Variants in KSR2 observed in about 807,000 individuals in gnomAD.
KSR2 encodes the protein kinase suppressor of ras 2.
A neutral mutation model predicts 107.8 loss-of-function variants in KSR2; 25 were observed. The ratio of observed to expected loss-of-function variants is 0.23; its 90% confidence interval spans 0.17 to 0.32. The LOEUF (loss-of-function observed/expected upper bound fraction) is 0.32, where lower values mean the gene tolerates loss of function less well. Among genes scored for constraint, KSR2 ranks in the 10% least tolerant of loss-of-function variants. The pLI is 1.00. For missense variants in KSR2, 887 were observed against 1,268.9 expected (o/e 0.70, Z 4.57); for synonymous variants, 480 against 507.0 (o/e 0.95, Z 0.71).
At chr12:117,709,474 C>A (rs746968) in intron 4 of KSR2, among the ~76,000 whole-genome samples, 65,516 of 151,530 alleles carry the variant, frequency 0.43, 14,769 homozygotes, top group African/African-American at 0.56. Flanking sequence ...TGGGCATGCA[C>A]CACCATGCCT....
intron 3 of KSR2, among the ~76,000 whole-genome samples, chr12:117,844,374 C>T (rs532335446): frequency 6.6e-6 from 1 of 152,082 alleles, no homozygotes; most frequent in East Asian, 1.9e-4. Flanking sequence ...TGAAACTATA[C>T]CCTAAAGAGT....
chr12:117,937,164 A>T (rs1895872680), intron 1 of KSR2, among the ~76,000 whole-genome samples: 1 of 152,212 alleles, frequency 6.6e-6, no homozygotes, highest in Non-Finnish European at 1.5e-5. Flanking sequence ...AATCTGAGTT[A>T]ATTTAAGACT....
intron 1 of KSR2, among the ~76,000 whole-genome samples, chr12:117,920,818 G>A (rs934859723): frequency 9.9e-5 from 15 of 152,106 alleles, no homozygotes; most frequent in Non-Finnish European, 2.9e-5. Flanking sequence ...CAAGCATAAA[G>A]ATGCAAGAGT....
intron 1 of KSR2, among the ~76,000 whole-genome samples, chr12:117,913,865 G>T (rs961379722): frequency 2.0e-5 from 3 of 152,104 alleles, no homozygotes; most frequent in Non-Finnish European, 4.4e-5. Flanking sequence ...TGGAGTCTCG[G>T]GACCCGCCGG....
At chr12:117,861,555 A>G (rs1203245363) in intron 1 of KSR2, among the ~76,000 whole-genome samples, 1 of 151,350 alleles carries the variant, frequency 6.6e-6, no homozygotes, top group African/African-American at 2.4e-5. Context: ...CACCCGGCTA[A>G]TTTTTTGTAT....
chr12:117,821,671 T>C (rs934089131), intron 3 of KSR2, among the ~76,000 whole-genome samples: 2 of 152,212 alleles, frequency 1.3e-5, no homozygotes, highest in Non-Finnish European at 2.9e-5. Flanking sequence ...ACTGTACTTT[T>C]TATGTGGACA....
At chr12:117,539,644 G>T in intron 10 of KSR2, 75 bp downstream of exon 10, 1 of 1,394,050 alleles carries the variant, frequency 7.2e-7, no homozygotes. Flanking sequence ...CAGGGCTCTG[G>T]CATGAACCCA....
At chr12:117,695,859 G>A (rs1310978965) in intron 4 of KSR2, among the ~76,000 whole-genome samples, 4 of 152,134 alleles carry the variant, frequency 2.6e-5, no homozygotes, top group South Asian at 2.1e-4. Context: ...AAAGGTCGCC[G>A]CTCTTCTTCA....
At chr12:117,961,645 C>G (rs772912381) in intron 1 of KSR2, among the ~76,000 whole-genome samples, 1 of 152,146 alleles carries the variant, frequency 6.6e-6, no homozygotes, top group East Asian at 1.9e-4. Context: ...TCTCAGCTTT[C>G]CTATCCTCCT....
At chr12:117,920,159 C>A (rs143970255) in intron 1 of KSR2, among the ~76,000 whole-genome samples, 28 of 152,274 alleles carry the variant, frequency 1.8e-4, no homozygotes, top group African/African-American at 6.5e-4. Context: ...AGGAGAGTGG[C>A]ACAATCATGG....
rs1410986621 is a variant in KSR2 at position 117,710,159 on chromosome 12, AC to A, written c.987-42502del. Among the ~76,000 whole-genome samples the A allele has an allele frequency of 6.0e-4, 92 of 152,254 alleles. 1 individual carries two copies. Among genetic ancestry groups the A allele is most frequent in the Non-Finnish European group, 1.6e-4 (11 of 68,020 alleles). ...TGAGTGAAAAAAATAGCGAGCCCCG[AC>A]AGGTAATGATGCCATTTGAATACGG... On this transcript the variant is annotated intron_variant, in intron 4 of 19. Coordinates refer to ENST00000339824, the MANE Select transcript of KSR2 (RefSeq NM_173598.6).
intron 4 of KSR2, among the ~76,000 whole-genome samples, chr12:117,679,953 T>C (rs1885300097): frequency 6.6e-6 from 1 of 152,218 alleles, no homozygotes; most frequent in South Asian, 2.1e-4. Context: ...GCAGGGTTAG[T>C]TGTGACAGAG....
chr12:117,701,572 A>C (rs542714611), intron 4 of KSR2, among the ~76,000 whole-genome samples: 2 of 152,310 alleles, frequency 1.3e-5, no homozygotes, highest in African/African-American at 2.4e-5. Context: ...ATGTTGCCTT[A>C]TTTGGGGCAA....
chr12:117,839,396 C>G (rs1354366796), intron 3 of KSR2, among the ~76,000 whole-genome samples: 1 of 152,170 alleles, frequency 6.6e-6, no homozygotes, highest in Non-Finnish European at 1.5e-5. Context: ...GGTTGGGTAC[C>G]ATGGTTCACC....
At chr12:117,713,229 A>T (rs778159304) in intron 4 of KSR2, among the ~76,000 whole-genome samples, 3 of 151,894 alleles carry the variant, frequency 2.0e-5, no homozygotes, top group Non-Finnish European at 2.9e-5. Context: ...TAATAGATAC[A>T]GATATATCTA....
intron 4 of KSR2, among the ~76,000 whole-genome samples, chr12:117,742,963 G>A (rs1368456701): frequency 6.6e-6 from 1 of 152,170 alleles, no homozygotes; most frequent in Non-Finnish European, 1.5e-5. Flanking sequence ...TCTACACAGT[G>A]TGGTTAGTTT....
intron 4 of KSR2, among the ~76,000 whole-genome samples, chr12:117,730,472 C>A (rs1887619437): frequency 6.6e-6 from 1 of 150,716 alleles, no homozygotes; most frequent in Non-Finnish European, 1.5e-5. Flanking sequence ...CTCGTCTCCC[C>A]TCTCCCTCGT....
At chr12:117,489,060 G>A (rs1226178472) in intron 14 of KSR2, among the ~76,000 whole-genome samples, 1 of 152,166 alleles carries the variant, frequency 6.6e-6, no homozygotes, top group Non-Finnish European at 1.5e-5. Context: ...AGTGAAGGAA[G>A]CCTGACACCC....
intron 1 of KSR2, among the ~76,000 whole-genome samples, chr12:117,895,508 T>G (rs963016847): frequency 2.0e-5 from 3 of 152,144 alleles, no homozygotes; most frequent in African/African-American, 7.2e-5. Flanking sequence ...GGCATTTTTT[T>G]AAAGACCTCT....
Sources: gnomAD v4.1 joint callset for allele counts (sites outside exome capture counted in the v4.1 genomes callset) on GRCh38, gnomAD v4.1.1 for gene constraint, MANE v1.5 for transcripts, NCBI Gene and HGNC (gene_info 2026-07-23, HGNC 2026-07-21) for gene names.